Variants in CSMD1 observed in about 807,000 individuals in gnomAD.
The protein encoded by CSMD1 is CUB and Sushi multiple domains 1.
In CSMD1, 213 loss-of-function variants were observed where a neutral mutation model predicts 417.5. That is an observed-to-expected ratio of 0.51 (90% CI 0.46 to 0.57). CSMD1 has a LOEUF of 0.57. Among genes scored for constraint, CSMD1 ranks in the 20% least tolerant of loss-of-function variants. CSMD1 has a pLI of 0.00. For missense variants in CSMD1, 6,923 were observed against 4,529.7 expected (o/e 1.53, Z -15.17); for synonymous variants, 2,862 against 1,736.8 (o/e 1.65, Z -16.11).
chr8:4,852,729 G>C (rs962809106), intron 1 of CSMD1, among the ~76,000 whole-genome samples: 27 of 152,142 alleles, frequency 1.8e-4, no homozygotes, highest in African/African-American at 6.5e-4. Flanking sequence ...TTAGAAACTG[G>C]TTAAGTGGTT....
intron 3 of CSMD1, among the ~76,000 whole-genome samples, chr8:4,345,991 T>C (rs917143645): frequency 6.6e-6 from 1 of 152,154 alleles, no homozygotes; most frequent in African/African-American, 2.4e-5. Context: ...GGAATTTCAG[T>C]AGTTCACATT....
At chr8:4,944,932 C>G (rs571866162) in intron 1 of CSMD1, among the ~76,000 whole-genome samples, 2 of 152,234 alleles carry the variant, frequency 1.3e-5, no homozygotes, top group South Asian at 2.1e-4. Flanking sequence ...ACATCAGGGT[C>G]TCACAGAGAT....
At chr8:4,242,913 T>C (rs1332924580) in intron 3 of CSMD1, among the ~76,000 whole-genome samples, 3 of 152,218 alleles carry the variant, frequency 2.0e-5, no homozygotes, top group Non-Finnish European at 4.4e-5. Flanking sequence ...CTAAAACTTT[T>C]TCTGACCCAG....
intron 2 of CSMD1, among the ~76,000 whole-genome samples, chr8:4,561,323 G>C (rs1318127329): frequency 2.0e-5 from 3 of 152,090 alleles, no homozygotes; most frequent in Non-Finnish European, 4.4e-5. Context: ...GCAGTGAATC[G>C]AGATCATGCC....
At chr8:4,119,204 C>T (rs1039354528) in intron 3 of CSMD1, among the ~76,000 whole-genome samples, 8 of 151,998 alleles carry the variant, frequency 5.3e-5, no homozygotes, top group East Asian at 1.9e-4. Context: ...ACACATATAC[C>T]TATGTAACAA....
At chr8:3,100,426 T>C (rs181876511) in intron 46 of CSMD1, among the ~76,000 whole-genome samples, 10 of 152,350 alleles carry the variant, frequency 6.6e-5, no homozygotes, top group Non-Finnish European at 1.2e-4. Flanking sequence ...CTCAGTGTTA[T>C]AAACTGTTGC....
At chr8:3,549,697 G>A (rs746696382) in intron 10 of CSMD1, among the ~76,000 whole-genome samples, 1 of 152,138 alleles carries the variant, frequency 6.6e-6, no homozygotes, top group Non-Finnish European at 1.5e-5. Context: ...TGGACGCCGT[G>A]TGCTGCCTTG....
intron 12 of CSMD1, among the ~76,000 whole-genome samples, chr8:3,425,048 C>A (rs1813741317): frequency 6.6e-6 from 1 of 152,096 alleles, no homozygotes; most frequent in African/African-American, 2.4e-5. Context: ...CTATGTTGAC[C>A]AGCCTGGTTC....
At chr8:3,473,001 C>A (rs575043939) in intron 11 of CSMD1, among the ~76,000 whole-genome samples, 3 of 152,092 alleles carry the variant, frequency 2.0e-5, no homozygotes, top group Non-Finnish European at 4.4e-5. Flanking sequence ...CCAAAGTAGG[C>A]TCCTAACTCT....
intron 3 of CSMD1, among the ~76,000 whole-genome samples, chr8:4,079,223 AAAC>A (rs1445568394): frequency 3.3e-5 from 5 of 152,138 alleles, no homozygotes; most frequent in African/African-American, 2.4e-5. Flanking sequence ...GTTTGGTGGG[AAAC>A]AACTGAATGA....
intron 1 of CSMD1, among the ~76,000 whole-genome samples, chr8:4,724,755 C>T (rs1002856073): frequency 2.0e-5 from 3 of 152,080 alleles, no homozygotes; most frequent in African/African-American, 7.2e-5. Context: ...GCATTTATCA[C>T]GTTTTTTAAA....
At chr8:3,250,037 T>C (rs754620421) in intron 26 of CSMD1, among the ~76,000 whole-genome samples, 1 of 152,272 alleles carries the variant, frequency 6.6e-6, no homozygotes, top group Non-Finnish European at 1.5e-5. Context: ...GCAGACTCCA[T>C]GTGACCAAGT....
intron 25 of CSMD1, among the ~76,000 whole-genome samples, chr8:3,288,740 C>A (rs1219734507): frequency 1.4e-5 from 2 of 146,642 alleles, no homozygotes; most frequent in Non-Finnish European, 2.9e-5. Context: ...TTGATCTTTT[C>A]AAAAAACCAG....
chr8:3,413,812 A>C (rs542814653), intron 12 of CSMD1, among the ~76,000 whole-genome samples: 4 of 152,264 alleles, frequency 2.6e-5, no homozygotes, highest in African/African-American at 9.6e-5. Flanking sequence ...CCTTCTCTCT[A>C]TGTCAGAGAC....
Position 4,729,946 on chromosome 8 carries a change from G to A in CSMD1, c.86-92388C>T, listed in dbSNP as rs75517464. Among the ~76,000 whole-genome samples, 433 of 152,178 alleles carry A rather than the reference G, an allele frequency of 2.8e-3. 3 individuals are homozygous for A. Among genetic ancestry groups the A allele is most frequent in the African/African-American group, 1.0e-2 (415 of 41,512 alleles). On this transcript the variant is annotated intron_variant, in intron 1 of 69. Coordinates refer to ENST00000635120, the MANE Select transcript of CSMD1 (RefSeq NM_033225.6). ...ATCCTTTCCATGGAATGACTTGTGC[G>A]CACACACTGCAGCCTAAACACGGGA...
At chr8:4,237,639 T>A (rs1036983433) in intron 3 of CSMD1, among the ~76,000 whole-genome samples, 2 of 152,016 alleles carry the variant, frequency 1.3e-5, no homozygotes, top group African/African-American at 4.8e-5. Context: ...CCTCACCCTT[T>A]CTAGTAGCTG....
chr8:4,974,700 T>C lies in CSMD1; in HGVS notation c.85+19632A>G, dbSNP rs140993901. ...CTCAGAGACCTAAGAGTAAGACAGA[T>C]GTCGAAGGATAACACCTTTGGTCTT... On this transcript the variant is annotated intron_variant, in intron 1 of 69. Transcript: ENST00000635120. Among the ~76,000 whole-genome samples the C allele has an allele frequency of 2.9e-3, 444 of 152,312 alleles. 2 individuals are homozygous for C. Among genetic ancestry groups the C allele is most frequent in the Non-Finnish European group, 5.1e-3 (350 of 68,040 alleles).
At chr8:3,060,143 A>C (rs1198394858) in intron 49 of CSMD1, among the ~76,000 whole-genome samples, 1 of 148,180 alleles carries the variant, frequency 6.7e-6, no homozygotes, top group Admixed American at 6.9e-5. Context: ...CCTAAAAATT[A>C]CTAACAACTT....
chr8:3,662,906 G>C (rs1195286244), intron 7 of CSMD1, among the ~76,000 whole-genome samples: 1 of 152,140 alleles, frequency 6.6e-6, no homozygotes, highest in East Asian at 1.9e-4. Flanking sequence ...TTAAAACCTA[G>C]ATGATGGGTT....
Sources: allele counts gnomAD v4.1 joint callset (sites outside exome capture counted in the v4.1 genomes callset), GRCh38; gene constraint gnomAD v4.1.1; transcripts MANE v1.5; gene names NCBI Gene and HGNC (gene_info 2026-07-23, HGNC 2026-07-21).